Variants in IL34 observed in about 807,000 individuals in gnomAD.
IL34 encodes interleukin-34.
IL34 carries 17 observed loss-of-function variants against 25.3 expected under a neutral mutation model. That is an observed-to-expected ratio of 0.67 (90% CI 0.46 to 1.01). The LOEUF (loss-of-function observed/expected upper bound fraction) is 1.01. Ranked by LOEUF, IL34 falls within the 50% of genes least tolerant of loss-of-function variation. IL34 has a pLI of 0.00. For synonymous variants in IL34, 174 were observed against 140.9 expected (o/e 1.23, Z -1.66); for missense variants, 368 against 312.9 (o/e 1.18, Z -1.33).
intron 1 of IL34, among the ~76,000 whole-genome samples, chr16:70,617,913 C>G (rs1270434089): frequency 2.6e-5 from 4 of 151,806 alleles, no homozygotes; most frequent in African/African-American, 9.7e-5. Context: ...GGAAAGGCCT[C>G]TACCTATCCA....
In IL34 at chr16:70,646,651, TGGAAA is replaced by T. The variant is rs2051938221; in HGVS notation, c.-292_-288del. ...CCAGGGACTCTCTCCTCCTGCTCCT[TGGAAA>T]GGAAGACCCCGAAAGACCCCCAAGC... On this transcript the variant is annotated 5_prime_UTR_variant, in exon 1 of 6. Transcript: ENST00000288098. The T allele has an allele frequency of 2.4e-6, 1 of 416,810 alleles. No homozygotes were observed. The highest frequency in any genetic ancestry group is 2.1e-5 in the African/African-American group (1 of 48,468). The allele number at this position is 416,810 out of a possible 1,614,324, so 25.8% of individuals were successfully genotyped here. A position where few individuals can be genotyped will look rare whatever the true frequency, so the allele number is the denominator to read the frequency against.
chr16:70,590,191 G>T (rs1218230879), intron 1 of IL34, among the ~76,000 whole-genome samples: 2 of 152,234 alleles, frequency 1.3e-5, no homozygotes, highest in East Asian at 3.8e-4. Flanking sequence ...TCCTGGAGCC[G>T]TGATGGGGCC....
chr16:70,640,932 C>T (rs1175791705), intron 1 of IL34, among the ~76,000 whole-genome samples: 2 of 152,056 alleles, frequency 1.3e-5, no homozygotes, highest in Non-Finnish European at 2.9e-5. Context: ...GCTGAATGTA[C>T]ATACAGGGTA....
Position 70,639,088 on chromosome 16 carries a change from C to T in IL34, c.-400-7460C>T, listed in dbSNP as rs189938080. 6.6e-5 allele frequency among the ~76,000 whole-genome samples: 10 copies of T among 152,246 alleles called. No individual in the cohort carries two copies. In the East Asian group the frequency reaches 1.9e-3, roughly 29 times the overall value. ...GCATGGATTTTCATGTTTTATTTCA[C>T]CTGAGAACACTCCAGCTTGGGAGAT... On this transcript the variant is annotated intron_variant, in intron 1 of 6. Transcript: ENST00000429149.
In IL34 at chr16:70,640,314, T is replaced by C. The variant is rs376526956; in HGVS notation, c.-400-6234T>C. ...ACACCACCATGCCCGGCTAATTTTG[T>C]ATTTTTTATTTTTGTAGGGACAGCC... On this transcript the variant is annotated intron_variant, in intron 1 of 6. Transcript: ENST00000429149. 1.6e-4 allele frequency among the ~76,000 whole-genome samples: 24 copies of C among 152,230 alleles called. 1 individual carries two copies. The highest frequency in any genetic ancestry group is 5.3e-4 in the African/African-American group (22 of 41,564).
At chr16:70,643,902 G>A (rs1250349378), upstream of IL34, among the ~76,000 whole-genome samples, 1 of 152,184 alleles carries the variant, frequency 6.6e-6, no homozygotes, top group Non-Finnish European at 1.5e-5. Flanking sequence ...TGGCATGTTT[G>A]AGATTTGCTT....
chr16:70,633,967 C>T (rs751607032), intron 1 of IL34, among the ~76,000 whole-genome samples: 4 of 152,092 alleles, frequency 2.6e-5, no homozygotes, highest in African/African-American at 7.2e-5. Flanking sequence ...TCTGCTGCCT[C>T]AGCCTCCGGA....
In IL34 at chr16:70,596,876, C is replaced by T. The variant is rs569220139; in HGVS notation, c.-401+16827C>T. On this transcript the variant is annotated intron_variant, in intron 1 of 6. Transcript: ENST00000429149. Reference sequence around the variant, plus strand: ...TGCTGGGATTACAGGCATGAGCCACCGCGACCAGCCTCATTTCCATTTTAC... The same window carrying T: ...TGCTGGGATTACAGGCATGAGCCACTGCGACCAGCCTCATTTCCATTTTAC... 1.6e-4 allele frequency among the ~76,000 whole-genome samples: 24 copies of T among 152,138 alleles called. No individual in the cohort carries two copies. The South Asian group carries it at 2.5e-3, about 16-fold the overall frequency.
chr16:70,589,537 G>C (rs1368493602), intron 1 of IL34, among the ~76,000 whole-genome samples: 1 of 151,968 alleles, frequency 6.6e-6, no homozygotes, highest in Non-Finnish European at 1.5e-5. Context: ...ATGGCCTCCA[G>C]CTCCATCCAT....
chr16:70,634,097 C>G (rs558143450), intron 1 of IL34, among the ~76,000 whole-genome samples: 38 of 151,350 alleles, frequency 2.5e-4, no homozygotes, highest in African/African-American at 7.8e-4. Flanking sequence ...GTGATCTGCC[C>G]GCCTCGGCCT....
chr16:70,643,362 C>A (rs144633737), upstream of IL34, among the ~76,000 whole-genome samples: 20 of 152,054 alleles, frequency 1.3e-4, no homozygotes, highest in East Asian at 3.9e-3. Context: ...CTGCACCTGG[C>A]TGTTGCACAC....
chr16:70,641,447 G>T (rs997498981), intron 1 of IL34, among the ~76,000 whole-genome samples: 1 of 152,014 alleles, frequency 6.6e-6, no homozygotes, highest in Non-Finnish European at 1.5e-5. Flanking sequence ...CAATAAGCCT[G>T]ACTTTAAAGT....
chr16:70,598,209 C>T (rs74024404), intron 1 of IL34, among the ~76,000 whole-genome samples: 24 of 152,078 alleles, frequency 1.6e-4, no homozygotes, highest in Admixed American at 6.6e-4. Context: ...AAACCGTCTG[C>T]CCCCCAGAAC....
At chr16:70,629,714 T>A (rs79873628) in intron 1 of IL34, among the ~76,000 whole-genome samples, 10 of 152,056 alleles carry the variant, frequency 6.6e-5, no homozygotes, top group Non-Finnish European at 1.2e-4. Context: ...TTTTTTTTTT[T>A]AATTTGAAAT....
intron 1 of IL34, among the ~76,000 whole-genome samples, chr16:70,633,535 G>T (rs546607865): frequency 9.5e-4 from 144 of 152,288 alleles, no homozygotes; most frequent in South Asian, 3.7e-3. Context: ...AAAGTGCTGG[G>T]ATTCCAGGTG....
At chr16:70,585,700 AAT>A (rs1491173283) in intron 1 of IL34, among the ~76,000 whole-genome samples, 3 of 149,346 alleles carry the variant, frequency 2.0e-5, no homozygotes, top group African/African-American at 2.5e-5. Flanking sequence ...AAAAAAAAAA[AAT>A]TTTTTTTTTT....
chr16:70,644,936 A>AGAGGAGGAGGAAGGAGGAAGAG (rs796861760), upstream of IL34, among the ~76,000 whole-genome samples: 1 of 43,752 alleles, frequency 2.3e-5, no homozygotes, highest in Non-Finnish European at 4.9e-5. Flanking sequence ...GGAAGGAGGA[A>AGAGGAGGAGGAAGGAGGAAGAG]GAGGAGGAAG....
upstream of IL34, among the ~76,000 whole-genome samples, chr16:70,646,230 G>A (rs1005917901): frequency 3.3e-5 from 5 of 152,202 alleles, no homozygotes; most frequent in African/African-American, 9.6e-5. Flanking sequence ...GTGGGAGCTC[G>A]TCTGCTTTTT....
In IL34 at chr16:70,589,900, G is replaced by A. The variant is rs191328235; in HGVS notation, c.-401+9851G>A. 6.8e-4 allele frequency among the ~76,000 whole-genome samples: 104 copies of A among 152,312 alleles called. 2 individuals are homozygous for A. Among genetic ancestry groups the A allele is most frequent in the Admixed American group, 2.0e-3 (30 of 15,292 alleles). On this transcript the variant is annotated intron_variant, in intron 1 of 6. Coordinates refer to the IL34 transcript ENST00000429149. The stretch of plus-strand genomic sequence containing the variant: ...GGCCTCCCAGAGTGTTGGGATTACA[G>A]GCGTGAGCCACTGCACCCGGCCTTA...
Sources: allele counts gnomAD v4.1 joint callset (sites outside exome capture counted in the v4.1 genomes callset), GRCh38; gene constraint gnomAD v4.1.1; transcripts MANE v1.5; gene names NCBI Gene and HGNC (gene_info 2026-07-23, HGNC 2026-07-21).